Variants in CCDC169 observed in about 807,000 individuals in gnomAD.
CCDC169 encodes coiled-coil domain containing 169, also known as coiled-coil domain-containing protein 169.
CCDC169 carries 30 observed loss-of-function variants against 36.0 expected under a neutral mutation model. The observed-to-expected ratio is 0.83, with a 90% CI of 0.62 to 1.13. The LOEUF (loss-of-function observed/expected upper bound fraction) is 1.13. CCDC169 is among the 50% of genes most tolerant of loss of function. CCDC169 has a pLI of 0.00. For missense variants in CCDC169, 245 were observed against 245.9 expected (o/e 1.00, Z 0.03); for synonymous variants, 85 against 81.5 (o/e 1.04, Z -0.23).
At chr13:36,286,239 G>C (rs1376997055) in intron 2 of CCDC169, among the ~76,000 whole-genome samples, 1 of 152,110 alleles carries the variant, frequency 6.6e-6, no homozygotes, top group African/African-American at 2.4e-5. Flanking sequence ...TCCTGCTATG[G>C]TGTCTGCTAC....
intron 2 of CCDC169, among the ~76,000 whole-genome samples, chr13:36,294,371 A>G (rs1042525762): frequency 2.6e-5 from 4 of 152,172 alleles, no homozygotes; most frequent in African/African-American, 9.6e-5. Context: ...TGATAAGTAC[A>G]CTGAGAGCCT....
At chr13:36,289,335 T>C (rs1305747585) in intron 2 of CCDC169, among the ~76,000 whole-genome samples, 1 of 152,188 alleles carries the variant, frequency 6.6e-6, no homozygotes, top group Non-Finnish European at 1.5e-5. Flanking sequence ...TGTTGTGGCC[T>C]GATGCTAAAA....
At chr13:36,236,407 T>C (rs1871086701) in intron 7 of CCDC169, among the ~76,000 whole-genome samples, 2 of 152,018 alleles carry the variant, frequency 1.3e-5, no homozygotes, top group Admixed American at 6.6e-5. Context: ...CAAAGGATAG[T>C]GTCTTCAACC....
At chr13:36,248,852 T>C (rs749296094) in intron 6 of CCDC169, among the ~76,000 whole-genome samples, 170 bp from the exon 7 acceptor site, 3 of 152,004 alleles carry the variant, frequency 2.0e-5, no homozygotes, top group Non-Finnish European at 4.4e-5. Context: ...TTATCAAGCC[T>C]CTAAAGATTC....
chr13:36,249,763 C>T (rs1182487184), intron 6 of CCDC169, among the ~76,000 whole-genome samples: 1 of 152,068 alleles, frequency 6.6e-6, no homozygotes, highest in Admixed American at 6.6e-5. Context: ...CTAGAGACAG[C>T]AGATAAGACT....
At chr13:36,227,437 C>A, downstream of CCDC169, 3 of 1,431,300 alleles carry the variant, frequency 2.1e-6, no homozygotes, top group Non-Finnish European at 2.8e-6. Context: ...TACAAATATG[C>A]TAATAAAGCA....
intron 4 of CCDC169, among the ~76,000 whole-genome samples, chr13:36,257,311 C>T (rs1385687830): frequency 2.0e-5 from 3 of 152,162 alleles, no homozygotes; most frequent in Non-Finnish European, 2.9e-5. Context: ...TGTGTCCACA[C>T]AATCCTCTCA....
At chr13:36,226,988 A>G (rs1869910937), downstream of CCDC169, 7 of 429,028 alleles carry the variant, frequency 1.6e-5, no homozygotes, top group East Asian at 2.0e-4. Flanking sequence ...TAAAATCCTT[A>G]TCTCTCACTG....
chr13:36,271,510 T>C (rs182361916), intron 4 of CCDC169, among the ~76,000 whole-genome samples: 26 of 152,152 alleles, frequency 1.7e-4, no homozygotes, highest in African/African-American at 5.8e-4. Context: ...CCAACCTAAG[T>C]GCCCTTCAGC....
chr13:36,253,309 C>T (rs1873401754), intron 6 of CCDC169, among the ~76,000 whole-genome samples: 2 of 151,362 alleles, frequency 1.3e-5, no homozygotes, highest in South Asian at 4.2e-4. Context: ...AAAATAACCT[C>T]TTAATTTGGA....
chr13:36,245,758 T>C (rs1211991481), intron 7 of CCDC169, among the ~76,000 whole-genome samples: 1 of 152,210 alleles, frequency 6.6e-6, no homozygotes, highest in East Asian at 1.9e-4. Context: ...CCTTGTCTTA[T>C]TATGCTTCAC....
chr13:36,241,278 TC>T (rs760669909), intron 7 of CCDC169, among the ~76,000 whole-genome samples: 20 of 152,184 alleles, frequency 1.3e-4, no homozygotes, highest in Non-Finnish European at 2.6e-4. Flanking sequence ...AGTTCACAAA[TC>T]ATAAATGTAC....
intron 4 of CCDC169, among the ~76,000 whole-genome samples, chr13:36,259,190 G>C (rs1298792888): frequency 6.6e-6 from 1 of 152,132 alleles, no homozygotes; most frequent in African/African-American, 2.4e-5. Flanking sequence ...GCAGGATGGC[G>C]GAATTAGAAG....
chr13:36,248,361 T>TA, intron 7 of CCDC169, among the ~76,000 whole-genome samples: 1 of 151,872 alleles, frequency 6.6e-6, no homozygotes, highest in Non-Finnish European at 1.5e-5. Flanking sequence ...TATTTTAGTT[T>TA]AAAAAATAAT....
At chr13:36,252,201 C>A (rs1307401590) in intron 6 of CCDC169, among the ~76,000 whole-genome samples, 1 of 152,180 alleles carries the variant, frequency 6.6e-6, no homozygotes, top group Non-Finnish European at 1.5e-5. Context: ...TGAGGAAAGG[C>A]ATAAAGATGC....
chr13:36,285,614 G>GATAGATAGATAGATAGATACATAC lies in CCDC169; in HGVS notation c.164-1913_164-1912insGTATGTATCTATCTATCTATCTAT, dbSNP rs568184993. ...AGATAGATAGATAGATAGATAGATA[G>GATAGATAGATAGATAGATACATAC]ATAGATACATAGATACATAGATACA... is the stretch of plus-strand genomic sequence containing the variant. On this transcript the variant is annotated intron_variant, in intron 2 of 7. Transcript: ENST00000239859. 1.7e-4 allele frequency among the ~76,000 whole-genome samples: 24 copies of GATAGATAGATAGATAGATACATAC among 138,178 alleles called. No individual in the cohort carries two copies. The East Asian group carries it at 3.4e-3, about 19-fold the overall frequency. 90.7% of individuals were successfully genotyped at this position (138,178 alleles called of 152,430 possible). A position where few individuals can be genotyped will look rare whatever the true frequency, so the allele number is the denominator to read the frequency against.
chr13:36,278,375 C>T (rs550737259), intron 4 of CCDC169, among the ~76,000 whole-genome samples: 2 of 152,230 alleles, frequency 1.3e-5, no homozygotes, highest in East Asian at 3.9e-4. Flanking sequence ...CCAAAACCTA[C>T]GTTTCGAGGG....
At chr13:36,238,581 C>A (rs9602540) in intron 7 of CCDC169, among the ~76,000 whole-genome samples, 1,615 of 152,150 alleles carry the variant, frequency 0.011, 21 homozygotes, top group African/African-American at 0.036. Flanking sequence ...CACAATCATT[C>A]AATTATTATG....
intron 4 of CCDC169, among the ~76,000 whole-genome samples, chr13:36,263,851 T>C (rs1594047608): frequency 6.6e-6 from 1 of 152,268 alleles, no homozygotes; most frequent in East Asian, 1.9e-4. Flanking sequence ...ATTAAAGCCC[T>C]ATGAAATAAA....
Sources: gnomAD v4.1 joint callset for allele counts (sites outside exome capture counted in the v4.1 genomes callset) on GRCh38, gnomAD v4.1.1 for gene constraint, MANE v1.5 for transcripts, NCBI Gene and HGNC (gene_info 2026-07-23, HGNC 2026-07-21) for gene names.